The following SPIRE2 variants were observed in gnomAD, a reference collection of about 807,000 sequenced individuals.
The protein encoded by SPIRE2 is spire type actin nucleation factor 2.
A neutral mutation model predicts 80.7 loss-of-function variants in SPIRE2; 76 were observed. The observed-to-expected ratio is 0.94, with a 90% CI of 0.78 to 1.14. The LOEUF (loss-of-function observed/expected upper bound fraction) is 1.14. Among genes scored for constraint, SPIRE2 ranks in the 50% most tolerant of loss-of-function variants. The pLI is 0.00. For synonymous variants in SPIRE2, 535 were observed against 432.6 expected (o/e 1.24, Z -2.94); for missense variants, 1,196 against 1,015.3 (o/e 1.18, Z -2.42).
intron 12 of SPIRE2, among the ~76,000 whole-genome samples, chr16:89,865,765 G>C (rs1488995424): frequency 6.6e-6 from 1 of 151,570 alleles, no homozygotes; most frequent in East Asian, 1.9e-4. Context: ...TCGGGAGATC[G>C]AGACCATCCT....
At position 89,828,659 on chromosome 16, in the gene SPIRE2, G is replaced by C; in HGVS notation, c.109G>C (p.Glu37Gln). 1 of 1,374,704 alleles carries C rather than the reference G, an allele frequency of 7.3e-7. No individual in the cohort carries two copies. Among genetic ancestry groups the C allele is most frequent in the East Asian group, 3.2e-5 (1 of 30,810 alleles). The allele number at this position is 1,374,704 out of a possible 1,614,324, so 85.2% of individuals were successfully genotyped here. A position where few individuals can be genotyped will look rare whatever the true frequency, so the allele number is the denominator to read the frequency against. Reference protein sequence around the residue: ...VLKAYEQPLNEEQAWAVCFQG... With the variant: ...VLKAYEQPLNQEQAWAVCFQG... ...GAAGGCCTACGAGCAGCCGCTCAAC[G>C]AGGAGCAGGCGTGGGCCGTGTGCTT... The change falls in exon 1 of 15, where the codon GAG (glutamate) becomes CAG (glutamine). Residue 37 changes from glutamate (E) to glutamine (Q), a missense_variant. Transcript: ENST00000378247. This position sits in a 1 kb window ranked among gnomAD's most constrained non-coding sequence, Gnocchi z 5.9.
At chr16:89,859,128 C>T in intron 8 of SPIRE2, 37 bp from the exon 9 acceptor site, 1 of 1,492,582 alleles carries the variant, frequency 6.7e-7, no homozygotes, top group Non-Finnish European at 9.0e-7. Flanking sequence ...CACTGGCGGG[C>T]ATTGTCAGGG....
At chr16:89,839,647 C>T (rs2143787645) in intron 1 of SPIRE2, among the ~76,000 whole-genome samples, 1 of 152,322 alleles carries the variant, frequency 6.6e-6, no homozygotes, top group African/African-American at 2.4e-5. Flanking sequence ...GCTTCACTCA[C>T]AGTCAGCGTT....
At chr16:89,867,715 G>C (rs2041802404) in intron 12 of SPIRE2, among the ~76,000 whole-genome samples, 1 of 151,752 alleles carries the variant, frequency 6.6e-6, no homozygotes, top group African/African-American at 2.4e-5. Flanking sequence ...CCCCCAAGTA[G>C]CTGTGATTAC....
intron 1 of SPIRE2, among the ~76,000 whole-genome samples, chr16:89,831,399 C>CTTTTTT (rs59083711): frequency 1.5e-5 from 2 of 131,896 alleles, no homozygotes; most frequent in Non-Finnish European, 3.4e-5. Context: ...TTCTTTCTTT[C>CTTTTTT]TTTTTTTTTT....
Position 89,848,734 on chromosome 16 carries a change from CAG to C in SPIRE2, c.289-1569_289-1568del, listed in dbSNP as rs1306654744. ...TCTACAGGACAGACGAGGCAGGTTC[CAG>C]GGCCTTCTGTGGTGTTTCTGCAGGA... On this transcript the variant is annotated intron_variant, in intron 2 of 14. Transcript: ENST00000378247. Among the ~76,000 whole-genome samples the C allele has an allele frequency of 2.0e-5, 3 of 149,648 alleles. No homozygotes were observed. In the East Asian group the frequency reaches 5.9e-4, roughly 30 times the overall value.
chr16:89,860,706 G>T lies in SPIRE2; in HGVS notation c.1486G>T (p.Asp496Tyr). Residue 496 changes from aspartate to tyrosine, a missense_variant, in exon 10 of 15, where the codon GAC becomes TAC. Physicochemically the swap from Asp to Tyr is radical, Grantham distance 160. Transcript: ENST00000378247. ...DQGTCPASVS[D>Y]PSHPLLSNRG... ...AGGTACCTGTCCCGCGAGTGTCTCT[G>T]ACCCCAGCCACCCCCTACTCAGCAA... 1 of 1,593,066 alleles carries T rather than the reference G, an allele frequency of 6.3e-7. No individual in the cohort carries two copies. The highest frequency in any genetic ancestry group is 8.5e-7 in the Non-Finnish European group (1 of 1,170,344).
In SPIRE2 at chr16:89,863,746, C is replaced by G; in HGVS notation, c.1711-48C>G. 1 of 1,609,958 alleles carries G rather than the reference C, an allele frequency of 6.2e-7. No individual in the cohort carries two copies. Among genetic ancestry groups the G allele is most frequent in the Non-Finnish European group, 8.5e-7 (1 of 1,176,342 alleles). ...GGGGTAGCAGGGACAGGGCGGGACCCCAGGGAGCTTTGGACAAAGCGGGGC... is the reference window on the plus strand; with the variant it reads ...GGGGTAGCAGGGACAGGGCGGGACCGCAGGGAGCTTTGGACAAAGCGGGGC... On this transcript the variant is annotated intron_variant, in intron 11 of 14. Coordinates refer to ENST00000378247, the MANE Select transcript of SPIRE2 (RefSeq NM_032451.2). The surrounding 1 kb of genome is among the most constrained non-coding windows in gnomAD (Gnocchi z 4.3).
chr16:89,846,049 A>C (rs9745545), intron 2 of SPIRE2: 78,349 of 167,772 alleles, frequency 0.47, 20,573 homozygotes, highest in East Asian at 0.76. Context: ...GGTGCCCGCC[A>C]CCACGCCCGG....
chr16:89,853,231 G>A (rs1386102975), intron 3 of SPIRE2, among the ~76,000 whole-genome samples: 1 of 152,118 alleles, frequency 6.6e-6, no homozygotes, highest in Non-Finnish European at 1.5e-5. Flanking sequence ...TCAAACTCTT[G>A]GGCTCAAGTG....
At chr16:89,856,304 C>G in intron 7 of SPIRE2, 68 bp downstream of exon 7, 4 of 1,486,554 alleles carry the variant, frequency 2.7e-6, no homozygotes, top group Non-Finnish European at 3.6e-6. Context: ...TTCCCCTGGT[C>G]AGGTTGCACA....
At chr16:89,865,450 C>G (rs2041780873) in intron 12 of SPIRE2, among the ~76,000 whole-genome samples, 1 of 151,928 alleles carries the variant, frequency 6.6e-6, no homozygotes, top group Non-Finnish European at 1.5e-5. Context: ...AAAGCAACCA[C>G]TAAAATAAAA....
intron 5 of SPIRE2, 51 bp from the exon 6 acceptor site, chr16:89,855,549 G>A: frequency 1.9e-6 from 3 of 1,549,760 alleles, no homozygotes; most frequent in Non-Finnish European, 2.7e-6. Flanking sequence ...CAGTCGCCCT[G>A]CACTAGTGGA....
intron 1 of SPIRE2, among the ~76,000 whole-genome samples, chr16:89,841,110 G>T (rs939840384): frequency 7.9e-5 from 12 of 151,770 alleles, no homozygotes; most frequent in Admixed American, 6.6e-5. Context: ...CTTGAGCCCA[G>T]GAAGTCATGG....
chr16:89,863,739 C>CGG lies in SPIRE2; in HGVS notation c.1711-53_1711-52dup, dbSNP rs968334763. 1.6e-4 allele frequency: 262 copies of CGG among 1,605,994 alleles called. 1 individual carries two copies. The highest frequency in any genetic ancestry group is 2.8e-5 in the Non-Finnish European group (33 of 1,172,870). On this transcript the variant is annotated intron_variant, in intron 11 of 14. Coordinates refer to ENST00000378247, the MANE Select transcript of SPIRE2 (RefSeq NM_032451.2). This position sits in a 1 kb window ranked among gnomAD's most constrained non-coding sequence, Gnocchi z 4.3. ...CCCTGAGGGGGTAGCAGGGACAGGG[C>CGG]GGGACCCCAGGGAGCTTTGGACAAA...
Position 89,830,963 on chromosome 16 carries a change from G to A in SPIRE2, c.244+2169G>A, listed in dbSNP as rs973225532. Among the ~76,000 whole-genome samples, 8 of 144,656 alleles carry A rather than the reference G, an allele frequency of 5.5e-5. 1 individual carries two copies. The highest frequency in any genetic ancestry group is 1.2e-4 in the Non-Finnish European group (8 of 65,702). The allele number at this position is 144,656 out of a possible 152,430, so 94.9% of individuals were successfully genotyped here. A position where few individuals can be genotyped will look rare whatever the true frequency, so the allele number is the denominator to read the frequency against. ...CTCGCTCTGTTGCCCAGGCTGGAGT[G>A]CAGCGGCACAATCTCTGCTCACTGC... On this transcript the variant is annotated intron_variant, in intron 1 of 14. Coordinates refer to ENST00000378247, the MANE Select transcript of SPIRE2 (RefSeq NM_032451.2).
rs763755918 is a variant in SPIRE2 at position 89,868,246 on chromosome 16, G to C, written c.1806+30G>C. ...GGACCATGTGGGATCTCTGGGGTCT[G>C]AGCAAGGCAGATGAGGGGCTCCACT... On this transcript the variant is annotated intron_variant, in intron 13 of 14. Coordinates refer to ENST00000378247, the MANE Select transcript of SPIRE2 (RefSeq NM_032451.2). 13 of 1,612,798 alleles carry C rather than the reference G, an allele frequency of 8.1e-6. No homozygotes were observed. In the Admixed American group the frequency reaches 1.3e-4, roughly 17 times the overall value.
chr16:89,870,423 C>T lies in SPIRE2; in HGVS notation c.*151C>T. ...ATATTTATATACACTGTTTCCTGGC[C>T]CCAGAGCTCATTTGGGTTCAGGCGC... On this transcript the variant is annotated 3_prime_UTR_variant, in exon 15 of 15. Transcript: ENST00000378247. The T allele has an allele frequency of 1.7e-6, 1 of 585,956 alleles. No individual in the cohort carries two copies. The highest frequency in any genetic ancestry group is 2.9e-5 in the East Asian group (1 of 34,836). The allele number at this position is 585,956 out of a possible 1,614,324, so 36.3% of individuals were successfully genotyped here. A position where few individuals can be genotyped will look rare whatever the true frequency, so the allele number is the denominator to read the frequency against.
chr16:89,841,545 T>C (rs1045137943), intron 1 of SPIRE2, among the ~76,000 whole-genome samples: 1 of 152,170 alleles, frequency 6.6e-6, no homozygotes, highest in Non-Finnish European at 1.5e-5. Flanking sequence ...TGCTGTGGTC[T>C]GGCCATGCTC....
Sources: gnomAD v4.1 joint callset for allele counts (sites outside exome capture counted in the v4.1 genomes callset) on GRCh38, gnomAD v4.1.1 for gene constraint, Gnocchi (gnomAD v3.1) non-coding constraint, MANE v1.5 for transcripts, NCBI Gene and HGNC (gene_info 2026-07-23, HGNC 2026-07-21) for gene names.